The following GRID2 variants were observed in gnomAD, a reference collection of about 807,000 sequenced individuals.
GRID2 encodes glutamate ionotropic receptor delta type subunit 2.
A neutral mutation model predicts 114.8 loss-of-function variants in GRID2; 33 were observed. The ratio of observed to expected loss-of-function variants is 0.29; its 90% confidence interval spans 0.22 to 0.38. The LOEUF (loss-of-function observed/expected upper bound fraction) is 0.38. Among genes scored for constraint, GRID2 ranks in the 10% least tolerant of loss-of-function variants. GRID2 has a pLI of 1.00. For synonymous variants in GRID2, 505 were observed against 449.9 expected (o/e 1.12, Z -1.55); for missense variants, 1,184 against 1,257.7 (o/e 0.94, Z 0.89).
intron 2 of GRID2, among the ~76,000 whole-genome samples, chr4:92,620,797 TG>T (rs1360452198): frequency 2.8e-5 from 4 of 141,274 alleles, no homozygotes; most frequent in Non-Finnish European, 6.1e-5. Context: ...TGTTGTGGGG[TG>T]GGGGGAGTGG....
At chr4:93,008,890 T>A (rs112062167) in intron 2 of GRID2, among the ~76,000 whole-genome samples, 2 of 152,280 alleles carry the variant, frequency 1.3e-5, no homozygotes, top group African/African-American at 4.8e-5. Context: ...CAAAAATATT[T>A]TGTAAAGTGG....
chr4:93,160,877 C>T (rs1407423109), intron 4 of GRID2, among the ~76,000 whole-genome samples: 1 of 151,772 alleles, frequency 6.6e-6, no homozygotes, highest in Non-Finnish European at 1.5e-5. Flanking sequence ...TGCATTTTAA[C>T]AAGATTTTTA....
intron 11 of GRID2, among the ~76,000 whole-genome samples, chr4:93,463,968 G>A (rs528356022): frequency 4.6e-5 from 7 of 152,038 alleles, no homozygotes; most frequent in African/African-American, 9.6e-5. Flanking sequence ...CAGCCTGGGC[G>A]ACACAGCAAG....
chr4:93,806,599 T>C (rs1735038418), intron 1 of GRID2: 1 of 152,192 alleles, frequency 6.6e-6, no homozygotes, highest in African/African-American at 2.4e-5. Context: ...CTCCACTTTG[T>C]TTACGATGGA....
At chr4:93,654,435 T>C (rs1259439359) in intron 14 of GRID2, among the ~76,000 whole-genome samples, 2 of 152,330 alleles carry the variant, frequency 1.3e-5, no homozygotes, top group African/African-American at 4.8e-5. Flanking sequence ...TTTGTATGCA[T>C]TTATTCTGCT....
intron 13 of GRID2, among the ~76,000 whole-genome samples, chr4:93,531,716 T>C (rs1286960395): frequency 6.6e-6 from 1 of 152,130 alleles, no homozygotes; most frequent in Non-Finnish European, 1.5e-5. Flanking sequence ...ATACAATATG[T>C]ATATACCATA....
At chr4:93,412,242 A>G (rs962882150) in intron 9 of GRID2, among the ~76,000 whole-genome samples, 3 of 142,528 alleles carry the variant, frequency 2.1e-5, no homozygotes, top group Admixed American at 2.1e-4. Context: ...CCCCCCCCCA[A>G]AAAAAAATAC....
intron 2 of GRID2, among the ~76,000 whole-genome samples, chr4:92,717,086 T>A (rs893241548): frequency 2.6e-5 from 4 of 152,250 alleles, no homozygotes; most frequent in African/African-American, 9.6e-5. Flanking sequence ...AATGACCACT[T>A]AATACGCAGT....
At chr4:92,445,039 A>G (rs780819106) in intron 1 of GRID2, among the ~76,000 whole-genome samples, 1 of 152,092 alleles carries the variant, frequency 6.6e-6, no homozygotes, top group Non-Finnish European at 1.5e-5. Flanking sequence ...ATGTATCTGG[A>G]CTTTAGCGAG....
chr4:93,267,821 C>T (rs768205398), intron 8 of GRID2, among the ~76,000 whole-genome samples: 1 of 152,194 alleles, frequency 6.6e-6, no homozygotes, highest in Non-Finnish European at 1.5e-5. Context: ...CAGTGACTGT[C>T]ATTCCTGCTA....
intron 1 of GRID2, among the ~76,000 whole-genome samples, chr4:92,450,371 G>C (rs906864295): frequency 1.3e-5 from 2 of 151,940 alleles, no homozygotes; most frequent in African/African-American, 4.8e-5. Context: ...AAAAGAAGTA[G>C]AAATCAAATG....
chr4:93,322,856 G>T (rs1045046552), intron 8 of GRID2, among the ~76,000 whole-genome samples: 25 of 152,254 alleles, frequency 1.6e-4, no homozygotes, highest in African/African-American at 6.0e-4. Context: ...TTTGAGAAGT[G>T]TCTGTTCATA....
chr4:92,700,892 TGA>T lies in GRID2; in HGVS notation c.244+110610_244+110611del, dbSNP rs755444064. Among the ~76,000 whole-genome samples, 492 of 150,704 alleles carry T rather than the reference TGA, an allele frequency of 3.3e-3. 3 individuals are homozygous for T. The highest frequency in any genetic ancestry group is 5.4e-3 in the Non-Finnish European group (365 of 67,864). Reference sequence around the variant, plus strand: ...CTGTAGTCCCAGCTACGCGGGAGGCTGAGAGGCAGGAGAATGGCGTGAACCCG... The same window carrying T: ...CTGTAGTCCCAGCTACGCGGGAGGCTGAGGCAGGAGAATGGCGTGAACCCG... On this transcript the variant is annotated intron_variant, in intron 2 of 15. Coordinates refer to ENST00000282020, the MANE Select transcript of GRID2 (RefSeq NM_001510.4).
intron 1 of GRID2, among the ~76,000 whole-genome samples, chr4:92,372,792 A>G (rs949326156): frequency 6.6e-6 from 1 of 152,142 alleles, no homozygotes; most frequent in Non-Finnish European, 1.5e-5. Context: ...CATTTGTACA[A>G]GAGAAATTCA....
chr4:92,876,203 A>T (rs1030157493), intron 2 of GRID2, among the ~76,000 whole-genome samples: 4 of 151,816 alleles, frequency 2.6e-5, no homozygotes, highest in Admixed American at 2.6e-4. Flanking sequence ...ATGTATTTTG[A>T]CAGTGTGGAT....
At chr4:93,570,164 A>G (rs1190251212) in intron 13 of GRID2, among the ~76,000 whole-genome samples, 1 of 152,198 alleles carries the variant, frequency 6.6e-6, no homozygotes, top group Non-Finnish European at 1.5e-5. Context: ...AAGGCTTTAT[A>G]TATTACTTGT....
At chr4:92,604,796 G>A (rs1278032032) in intron 2 of GRID2, among the ~76,000 whole-genome samples, 1 of 152,090 alleles carries the variant, frequency 6.6e-6, no homozygotes, top group Non-Finnish European at 1.5e-5. Context: ...AGGGATCCAT[G>A]TGAGCACAGA....
At chr4:92,556,458 TTTA>T (rs756310607) in intron 1 of GRID2, among the ~76,000 whole-genome samples, 9 of 152,184 alleles carry the variant, frequency 5.9e-5, no homozygotes, top group African/African-American at 1.4e-4. Context: ...CATTGGATCA[TTTA>T]TTATTATTAT....
chr4:92,702,951 A>G (rs1734755501), intron 2 of GRID2, among the ~76,000 whole-genome samples: 1 of 151,960 alleles, frequency 6.6e-6, no homozygotes, highest in Non-Finnish European at 1.5e-5. Flanking sequence ...GTTCTTTAGC[A>G]CTCTCAGGTG....
Sources: allele counts gnomAD v4.1 joint callset (sites outside exome capture counted in the v4.1 genomes callset), GRCh38; gene constraint gnomAD v4.1.1; transcripts MANE v1.5; gene names NCBI Gene and HGNC (gene_info 2026-07-23, HGNC 2026-07-21).